Variants in NCMAP observed in about 807,000 individuals in gnomAD.
The protein encoded by NCMAP is non-compact myelin associated protein.
Under a neutral mutation model 7.8 loss-of-function variants are expected in NCMAP, and 8 were observed. That is an observed-to-expected ratio of 1.02 (90% CI 0.60 to 1.84). The LOEUF (loss-of-function observed/expected upper bound fraction) is 1.84. Ranked by LOEUF, NCMAP falls within the 40% of genes most tolerant of loss-of-function variation. NCMAP has a pLI of 0.00. For synonymous variants in NCMAP, 41 were observed against 52.9 expected (o/e 0.78, Z 0.98); for missense variants, 112 against 131.4 (o/e 0.85, Z 0.72).
intron 3 of NCMAP, among the ~76,000 whole-genome samples, chr1:24,601,856 T>C (rs148839500): frequency 0.035 from 5,248 of 152,098 alleles, 132 homozygotes; most frequent in Middle Eastern, 0.11. Context: ...CTGGCTAACA[T>C]GGTGAAACCC....
At chr1:24,584,082 T>C (rs1201070885) in intron 1 of NCMAP, among the ~76,000 whole-genome samples, 1 of 152,172 alleles carries the variant, frequency 6.6e-6, no homozygotes, top group African/African-American at 2.4e-5. Flanking sequence ...GGTGGCATTA[T>C]TATCCTCTGA....
intron 1 of NCMAP, among the ~76,000 whole-genome samples, chr1:24,571,168 G>A (rs1484505039): frequency 6.6e-6 from 1 of 150,720 alleles, no homozygotes; most frequent in Admixed American, 6.6e-5. Flanking sequence ...AAATGTCCTG[G>A]TAGCCACATT....
chr1:24,599,781 T>C (rs1253824192), intron 2 of NCMAP, among the ~76,000 whole-genome samples: 2 of 131,510 alleles, frequency 1.5e-5, no homozygotes, highest in Non-Finnish European at 3.1e-5. Flanking sequence ...TTTCCCCATG[T>C]TGGTCAGGCT....
rs1652800626 is a variant in NCMAP at position 24,607,397 on chromosome 1, C to T, written c.*1650C>T. The T allele has an allele frequency of 6.6e-6, 1 of 152,008 alleles. No individual in the cohort carries two copies. The highest frequency in any genetic ancestry group is 2.4e-5 in the African/African-American group (1 of 41,350). 9.4% of individuals were successfully genotyped at this position (152,008 alleles called of 1,614,324 possible). ...GATTCTGAAATCAGAACATATCTTG[C>T]AATTGATGGGTTCATTAATATAATT... On this transcript the variant is annotated 3_prime_UTR_variant, in exon 4 of 4. Transcript: ENST00000374392.
chr1:24,582,130 C>T (rs962544244), intron 1 of NCMAP, among the ~76,000 whole-genome samples: 3 of 152,130 alleles, frequency 2.0e-5, no homozygotes, highest in Admixed American at 6.6e-5. Context: ...CCTTCTCATG[C>T]GCAACCTCCT....
chr1:24,588,220 T>G (rs1651947614), intron 1 of NCMAP, among the ~76,000 whole-genome samples: 1 of 152,130 alleles, frequency 6.6e-6, no homozygotes, highest in African/African-American at 2.4e-5. Context: ...TAGCTATCAT[T>G]ACAGGTTCAC....
At chr1:24,562,468 T>G (rs1013447084) in intron 1 of NCMAP, among the ~76,000 whole-genome samples, 11 of 152,134 alleles carry the variant, frequency 7.2e-5, no homozygotes, top group Non-Finnish European at 1.3e-4. Context: ...TCCCTGAGGG[T>G]GAGGACTGTG....
chr1:24,577,420 T>TTTTTTTTTTTG (rs1557596593), intron 1 of NCMAP, among the ~76,000 whole-genome samples: 6 of 143,856 alleles, frequency 4.2e-5, no homozygotes, highest in East Asian at 2.2e-4. Flanking sequence ...TTTTTTTTTT[T>TTTTTTTTTTTG]TTTTTTTTTT....
At chr1:24,578,650 C>T (rs545022982) in intron 1 of NCMAP, among the ~76,000 whole-genome samples, 6 of 148,708 alleles carry the variant, frequency 4.0e-5, no homozygotes, top group African/African-American at 7.5e-5. Context: ...GCAGCCTCAA[C>T]GTCCTGGGCT....
chr1:24,595,416 C>A lies in NCMAP; in HGVS notation c.-7-8C>A, dbSNP rs371305433. ...TTTTAAACAAAATATCTTCTTCTTT[C>A]TCATCAGGATCGAGATGACCACAGC... is the stretch of plus-strand genomic sequence containing the variant. On this transcript the variant is annotated splice_polypyrimidine_tract_variant and splice_region_variant and intron_variant, in intron 1 of 3. Transcript: ENST00000374392. 916 of 1,590,206 alleles carry A rather than the reference C, an allele frequency of 5.8e-4. 2 individuals carry two copies. Among genetic ancestry groups the A allele is most frequent in the Non-Finnish European group, 7.0e-4 (810 of 1,160,656 alleles).
intron 2 of NCMAP, among the ~76,000 whole-genome samples, chr1:24,599,681 A>G (rs9662964): frequency 1.3e-5 from 2 of 151,780 alleles, no homozygotes; most frequent in Non-Finnish European, 2.9e-5. Flanking sequence ...GGGTTCAAGC[A>G]ATTCTCCTGC....
intron 1 of NCMAP, among the ~76,000 whole-genome samples, chr1:24,583,574 G>T (rs1651797291): frequency 6.6e-6 from 1 of 152,118 alleles, no homozygotes; most frequent in Non-Finnish European, 1.5e-5. Flanking sequence ...AAATTAGCTA[G>T]GTGTGGTGGC....
At chr1:24,593,202 G>C (rs1652102170) in intron 1 of NCMAP, among the ~76,000 whole-genome samples, 2 of 151,708 alleles carry the variant, frequency 1.3e-5, no homozygotes, top group Non-Finnish European at 2.9e-5. Flanking sequence ...AAAAGAACTG[G>C]GCTGGGCATA....
At position 24,604,596 on chromosome 1, in the gene NCMAP, AAAAAAAAAAATATATATATATATATAT is replaced by A. The variant is rs1652631689; in HGVS notation, c.168-1008_168-982del. On this transcript the variant is annotated intron_variant, in intron 3 of 3. Transcript: ENST00000374392. ...TCTAAAAAAAAAAAAAAAAAAAAAA[AAAAAAAAAAATATATATATATATATAT>A]ATATATATATATATATATATATATA... Among the ~76,000 whole-genome samples, 4 of 65,456 alleles carry A rather than the reference AAAAAAAAAAATATATATATATATATAT, an allele frequency of 6.1e-5. 1 individual carries two copies. Among genetic ancestry groups the A allele is most frequent in the African/African-American group, 3.8e-4 (4 of 10,416 alleles). The allele number at this position is 65,456 out of a possible 152,430, so 42.9% of individuals were successfully genotyped here. A position where few individuals can be genotyped will look rare whatever the true frequency, so the allele number is the denominator to read the frequency against.
intron 1 of NCMAP, among the ~76,000 whole-genome samples, chr1:24,567,053 G>A (rs1269902123): frequency 6.6e-6 from 1 of 152,158 alleles, no homozygotes; most frequent in Admixed American, 6.5e-5. Flanking sequence ...GGGCTGTGAT[G>A]GTCCAGGCCC....
intron 1 of NCMAP, among the ~76,000 whole-genome samples, chr1:24,589,099 C>T (rs1293060349): frequency 6.6e-6 from 1 of 152,206 alleles, no homozygotes; most frequent in African/African-American, 2.4e-5. Flanking sequence ...TCAGAATGGA[C>T]AAAGTGCCTG....
chr1:24,564,461 C>G (rs1651153132), intron 1 of NCMAP, among the ~76,000 whole-genome samples: 1 of 128,484 alleles, frequency 7.8e-6, no homozygotes, highest in Non-Finnish European at 1.5e-5. Flanking sequence ...TTGCAGTGAC[C>G]TGAAATCACG....
At position 24,571,505 on chromosome 1, in the gene NCMAP, A is replaced by G. The variant is rs960140090; in HGVS notation, c.-8+15336A>G. The stretch of plus-strand genomic sequence containing the variant: ...GAAAGAAAGAAAAAAGAAACAGGCT[A>G]AATTTTGATATTTTATGTAACCCAG... On this transcript the variant is annotated intron_variant, in intron 1 of 3. Transcript: ENST00000374392. Among the ~76,000 whole-genome samples the G allele has an allele frequency of 2.7e-5, 4 of 150,630 alleles. 2 individuals carry two copies. Among genetic ancestry groups the G allele is most frequent in the African/African-American group, 1.0e-4 (4 of 39,968 alleles).
rs1289121043 is a variant in NCMAP, at chr1:24,608,006, C to G, written c.*2259C>G. The G allele has an allele frequency of 2.0e-5, 3 of 152,240 alleles. No individual in the cohort carries two copies. The highest frequency in any genetic ancestry group is 4.4e-5 in the Non-Finnish European group (3 of 68,050). 9.4% of individuals were successfully genotyped at this position (152,240 alleles called of 1,614,324 possible). ...AGAAATACTGGCACATTCTTCCTCT[C>G]TGGTCATTATTTCTTCCTACTGTGT... On this transcript the variant is annotated 3_prime_UTR_variant, in exon 4 of 4. Transcript: ENST00000374392.
Sources: gnomAD v4.1 joint callset for allele counts (sites outside exome capture counted in the v4.1 genomes callset) on GRCh38, gnomAD v4.1.1 for gene constraint, MANE v1.5 for transcripts, NCBI Gene and HGNC (gene_info 2026-07-23, HGNC 2026-07-21) for gene names.